Variants in GRM4 observed in about 807,000 individuals in gnomAD.
GRM4 encodes the protein metabotropic glutamate receptor 4.
GRM4 carries 28 observed loss-of-function variants against 81.7 expected under a neutral mutation model. The ratio of observed to expected loss-of-function variants is 0.34; its 90% confidence interval spans 0.25 to 0.47. GRM4 has a LOEUF of 0.47. Ranked by LOEUF, GRM4 falls within the 20% of genes least tolerant of loss-of-function variation. The probability of loss-of-function intolerance (pLI) is 1.00; values close to 1 mark genes in which losing one functional copy is unlikely to be tolerated. For synonymous variants in GRM4, 488 were observed against 528.8 expected (o/e 0.92, Z 1.06); for missense variants, 948 against 1,290.0 (o/e 0.73, Z 4.06).
chr6:34,053,288 T>C lies in GRM4; in HGVS notation c.1168+3256A>G, dbSNP rs533210821. ...TCCCCTGCCCCTGCTCCCAGCTCTC[T>C]GTGGGTGTCACTCCAGCCCTCCTGG... On this transcript the variant is annotated intron_variant, in intron 6 of 10. Transcript: ENST00000538487. Among the ~76,000 whole-genome samples, 3 of 152,316 alleles carry C rather than the reference T, an allele frequency of 2.0e-5. No individual in the cohort carries two copies. In the South Asian group the frequency reaches 6.2e-4, roughly 32 times the overall value.
chr6:34,150,115 G>A (rs772992943), upstream of GRM4, among the ~76,000 whole-genome samples: 4 of 152,188 alleles, frequency 2.6e-5, no homozygotes, highest in Non-Finnish European at 5.9e-5. Flanking sequence ...CCTTGCACCT[G>A]TAATCATCCC....
rs1281733643 is a variant in GRM4 at position 34,062,003 on chromosome 6, C to T, written c.762G>A (p.Val254=). 6.2e-7 allele frequency: 1 copy of T among 1,613,586 alleles called. No individual in the cohort carries two copies. The highest frequency in any genetic ancestry group is 2.2e-5 in the East Asian group (1 of 44,870). ...CTGCCTTGGGCTCCCGTGGTATCTT[C>T]ACCGACTGGGCGATGCACACGCCCC... The part of the protein sequence containing the change: ...EDGGVCIAQS[V]KIPREPKAGE... Residue 254 remains valine (V), a synonymous_variant, in exon 4 of 11, where the codon GTG becomes GTA. Transcript: ENST00000538487.
rs3832403 is a variant in GRM4 at position 34,056,514 on chromosome 6, C to CGCCCG, written c.1168+25_1168+29dup. 1.2e-3 allele frequency: 1,910 copies of CGCCCG among 1,597,110 alleles called. 19 individuals are homozygous for CGCCCG. The East Asian group carries it at 0.022, about 19-fold the overall frequency. On this transcript the variant is annotated intron_variant, in intron 6 of 10. Transcript: ENST00000538487. Reference sequence around the variant, plus strand: ...GCCCTCCCCGGCTCCTCCTAGAGCCCGCCCGGCCCTGCCCGGCCCGCGTGC... The same window carrying CGCCCG: ...GCCCTCCCCGGCTCCTCCTAGAGCCCGCCCGGCCCGGCCCTGCCCGGCCCGCGTGC...
chr6:34,114,550 GC>G lies in GRM4; in HGVS notation c.519+18427del, dbSNP rs1769510375. On this transcript the variant is annotated intron_variant, in intron 2 of 10. Transcript: ENST00000538487. The surrounding 1 kb of genome is among the most constrained non-coding windows in gnomAD (Gnocchi z 4.3). Reference sequence around the variant, plus strand: ...GATCAAGTCCACCTTCTTGACCTAAGCCCCCCAATTTCCTCCAGCCCCTCTC... The same window carrying G: ...GATCAAGTCCACCTTCTTGACCTAAGCCCCCAATTTCCTCCAGCCCCTCTC... Among the ~76,000 whole-genome samples the G allele has an allele frequency of 6.6e-6, 1 of 151,870 alleles. No homozygotes were observed. Among genetic ancestry groups the G allele is most frequent in the Non-Finnish European group, 1.5e-5 (1 of 67,990 alleles).
intron 9 of GRM4, among the ~76,000 whole-genome samples, chr6:34,030,116 G>A (rs1323973633): frequency 6.6e-6 from 1 of 152,246 alleles, no homozygotes; most frequent in Non-Finnish European, 1.5e-5. Flanking sequence ...TGGGGCTGGT[G>A]GCCAGGGTGA....
At chr6:34,094,253 G>C (rs142698450) in intron 2 of GRM4, among the ~76,000 whole-genome samples, 14 of 152,334 alleles carry the variant, frequency 9.2e-5, no homozygotes, top group Non-Finnish European at 1.9e-4. Context: ...AAGTGGCCGA[G>C]ACAGGATATG....
chr6:34,091,768 C>G lies in GRM4; in HGVS notation c.736+115G>C, dbSNP rs115038452. The stretch of plus-strand genomic sequence containing the variant: ...GAAGAGGCCGAGGCCCACCTGGCAA[C>G]AGCCAGGCAGTCAGAGCCTGTATCA... On this transcript the variant is annotated intron_variant, in intron 3 of 10. Transcript: ENST00000538487. The G allele has an allele frequency of 1.8e-3, 1,356 of 748,108 alleles. 14 individuals are homozygous for G. The African/African-American group carries it at 0.021, about 11-fold the overall frequency. The allele number at this position is 748,108 out of a possible 1,614,324, so 46.3% of individuals were successfully genotyped here. A position where few individuals can be genotyped will look rare whatever the true frequency, so the allele number is the denominator to read the frequency against.
At chr6:34,125,799 G>C (rs1227047956) in intron 2 of GRM4, among the ~76,000 whole-genome samples, 2 of 152,218 alleles carry the variant, frequency 1.3e-5, no homozygotes, top group Non-Finnish European at 2.9e-5. Flanking sequence ...TCTCACCACA[G>C]TGGGGGTTTG....
At chr6:34,083,875 G>T (rs1356537838) in intron 3 of GRM4, among the ~76,000 whole-genome samples, 1 of 152,210 alleles carries the variant, frequency 6.6e-6, no homozygotes, top group Non-Finnish European at 1.5e-5. Context: ...CATCTGATGA[G>T]GTGGGAGGGT....
At chr6:34,086,007 C>T (rs1202881146) in intron 3 of GRM4, among the ~76,000 whole-genome samples, 1 of 152,176 alleles carries the variant, frequency 6.6e-6, no homozygotes, top group Non-Finnish European at 1.5e-5. Flanking sequence ...TGAGGAGCTG[C>T]AAGATAGCTG....
chr6:34,075,324 G>A (rs915909024), intron 3 of GRM4, among the ~76,000 whole-genome samples: 5 of 152,118 alleles, frequency 3.3e-5, no homozygotes, highest in Non-Finnish European at 5.9e-5. Context: ...CCTCTCCTCC[G>A]CCTCACTTCA....
intron 1 of GRM4, among the ~76,000 whole-genome samples, chr6:34,144,541 G>T (rs1037140933): frequency 6.6e-6 from 1 of 152,220 alleles, no homozygotes; most frequent in African/African-American, 2.4e-5. Flanking sequence ...AACCTGCCGA[G>T]GCCACGGGCA....
intron 3 of GRM4, among the ~76,000 whole-genome samples, chr6:34,073,571 A>G (rs866025909): frequency 7.9e-5 from 12 of 152,160 alleles, no homozygotes; most frequent in African/African-American, 2.9e-4. Context: ...ACAGTCACAT[A>G]TAACAAGCCT....
rs979852918 is a variant in GRM4 at position 34,047,545 on chromosome 6, GT to G, written c.1169-6798del. Among the ~76,000 whole-genome samples, 1 of 152,120 alleles carries G rather than the reference GT, an allele frequency of 6.6e-6. No homozygotes were observed. Among genetic ancestry groups the G allele is most frequent in the African/African-American group, 2.4e-5 (1 of 41,430 alleles). ...GCTTGCTTTTCAGCCCTATACCGCA[GT>G]TTTGCCGGCCCCCTCCTCTCGAATT... is the stretch of plus-strand genomic sequence containing the variant. On this transcript the variant is annotated intron_variant, in intron 6 of 10. Coordinates refer to ENST00000538487, the MANE Select transcript of GRM4 (RefSeq NM_000841.4). The surrounding 1 kb of genome is among the most constrained non-coding windows in gnomAD (Gnocchi z 4.5).
intron 3 of GRM4, among the ~76,000 whole-genome samples, chr6:34,075,957 C>A (rs955713934): frequency 2.0e-5 from 3 of 152,208 alleles, no homozygotes; most frequent in Non-Finnish European, 4.4e-5. Context: ...GGAATGGGAG[C>A]CAGCGCTGGG....
chr6:34,029,508 T>C (rs149529310), intron 9 of GRM4, among the ~76,000 whole-genome samples: 54 of 152,266 alleles, frequency 3.5e-4, no homozygotes, highest in Admixed American at 1.3e-3. Flanking sequence ...CGCCGCTCCA[T>C]AGATGCCTCA....
intron 3 of GRM4, among the ~76,000 whole-genome samples, chr6:34,088,084 C>T (rs988198899): frequency 7.2e-5 from 11 of 152,098 alleles, no homozygotes; most frequent in African/African-American, 2.2e-4. Flanking sequence ...CCCTCCAGTG[C>T]GCATTCCTGA....
chr6:34,033,416 G>A (rs1012862715), intron 9 of GRM4, among the ~76,000 whole-genome samples: 4 of 151,902 alleles, frequency 2.6e-5, no homozygotes, highest in African/African-American at 7.3e-5. Flanking sequence ...GGATGGGGGG[G>A]TGCTCCTAAG....
rs1225718673 is a variant in GRM4, at chr6:34,042,443, G to A, written c.1169-1695C>T. Among the ~76,000 whole-genome samples the A allele has an allele frequency of 6.6e-6, 1 of 152,202 alleles. No homozygotes were observed. Among genetic ancestry groups the A allele is most frequent in the Non-Finnish European group, 1.5e-5 (1 of 68,022 alleles). On this transcript the variant is annotated intron_variant, in intron 6 of 10. Transcript: ENST00000538487. This position sits in a 1 kb window ranked among gnomAD's most constrained non-coding sequence, Gnocchi z 4.2. ...GGGATCTGAAGTGAGGACATGGCAG[G>A]AGGATGGCTGGGAGGAGGAAGGGGG... is the stretch of plus-strand genomic sequence containing the variant.
Sources: gnomAD v4.1 joint callset for allele counts (sites outside exome capture counted in the v4.1 genomes callset) on GRCh38, gnomAD v4.1.1 for gene constraint, Gnocchi (gnomAD v3.1) non-coding constraint, MANE v1.5 for transcripts, NCBI Gene and HGNC (gene_info 2026-07-23, HGNC 2026-07-21) for gene names.